Variants in HERC2 observed in about 807,000 individuals in gnomAD.
The protein encoded by HERC2 is HECT and RLD domain containing E3 ubiquitin protein ligase 2, also known as E3 ubiquitin-protein ligase HERC2.
In HERC2, 102 loss-of-function variants were observed where a neutral mutation model predicts 537.7. The observed-to-expected ratio is 0.19, with a 90% CI of 0.16 to 0.22. The LOEUF is 0.22. Among genes scored for constraint, HERC2 ranks in the 10% least tolerant of loss-of-function variants. The probability of loss-of-function intolerance (pLI) is 1.00; values close to 1 mark genes in which losing one functional copy is unlikely to be tolerated. For synonymous variants in HERC2, 2,224 were observed against 2,466.2 expected (o/e 0.90, Z 2.91); for missense variants, 4,236 against 6,198.2 (o/e 0.68, Z 10.63).
intron 69 of HERC2, among the ~76,000 whole-genome samples, chr15:28,153,772 T>C (rs1892702751): frequency 1.3e-5 from 2 of 152,258 alleles, no homozygotes; most frequent in Non-Finnish European, 1.5e-5. Context: ...CAAGACAAGA[T>C]TACTTCCTAG....
intron 30 of HERC2, among the ~76,000 whole-genome samples, chr15:28,231,059 G>A (rs546347630): frequency 6.6e-6 from 1 of 152,128 alleles, no homozygotes; most frequent in African/African-American, 2.4e-5. Context: ...CCCTGGTCCA[G>A]TTCAGTGGTT....
chr15:28,310,707 T>A (rs927857111), intron 2 of HERC2, among the ~76,000 whole-genome samples: 70 of 152,040 alleles, frequency 4.6e-4, no homozygotes, highest in Non-Finnish European at 8.1e-4. Flanking sequence ...AGACTATCTT[T>A]AGGCACTCAA....
intron 30 of HERC2, among the ~76,000 whole-genome samples, chr15:28,232,494 A>G (rs2140634159): frequency 6.6e-6 from 1 of 152,038 alleles, no homozygotes; most frequent in South Asian, 2.1e-4. Flanking sequence ...GGTTGCAGTG[A>G]GCTGAGATCG....
chr15:28,169,722 G>A, intron 65 of HERC2, 67 bp from the exon 66 acceptor site: 1 of 1,484,050 alleles, frequency 6.7e-7, no homozygotes, highest in Non-Finnish European at 9.2e-7. Flanking sequence ...TATAAAATCT[G>A]ACCTTACAGG....
chr15:28,120,555 T>C (rs1284587895), intron 86 of HERC2, among the ~76,000 whole-genome samples: 2 of 152,248 alleles, frequency 1.3e-5, no homozygotes, highest in Non-Finnish European at 2.9e-5. Flanking sequence ...TGAGTTTATA[T>C]ACACTTGAAG....
intron 8 of HERC2, 24 bp from the exon 9 acceptor site, chr15:28,272,410 C>T (rs759589022): frequency 2.2e-5 from 35 of 1,589,802 alleles, no homozygotes; most frequent in Non-Finnish European, 2.8e-5. Context: ...GATATTTATT[C>T]TAGTAAAAAC....
rs1230907329 is a variant in HERC2, at chr15:28,215,709, C to T, written c.6122G>A (p.Gly2041Asp). The T allele has an allele frequency of 1.2e-6, 2 of 1,611,932 alleles. No individual in the cohort carries two copies. Among genetic ancestry groups the T allele is most frequent in the Non-Finnish European group, 1.7e-6 (2 of 1,179,866 alleles). The change falls in exon 39 of 93, where the codon GGC becomes GAC. Residue 2041 changes from glycine to aspartate, a missense_variant. By Grantham distance (94) the Gly-to-Asp change is moderately conservative (BLOSUM62 -1). Coordinates refer to ENST00000261609, the MANE Select transcript of HERC2 (RefSeq NM_004667.6). ...RSIALTPQVC[G>D]ALSSPQWITL... Reference sequence around the variant, plus strand: ...GATCCACTGCGGGGAGCTGAGGGCGCCGCATACCTGCGGCGTGAGAGCGAT... The same window carrying T: ...GATCCACTGCGGGGAGCTGAGGGCGTCGCATACCTGCGGCGTGAGAGCGAT...
chr15:28,190,775 G>C lies in HERC2; in HGVS notation c.8649+190C>G, dbSNP rs187925017. ...AGAATGAAATTTGTTTCCTTTTCAAGCTGAACTGATAAGCAGCAAATTCAG... is the reference window on the plus strand; with the variant it reads ...AGAATGAAATTTGTTTCCTTTTCAACCTGAACTGATAAGCAGCAAATTCAG... On this transcript the variant is annotated intron_variant, in intron 55 of 92. Coordinates refer to ENST00000261609, the MANE Select transcript of HERC2 (RefSeq NM_004667.6). 46 of 589,840 alleles carry C rather than the reference G, an allele frequency of 7.8e-5. No individual in the cohort carries two copies. In the Admixed American group the frequency reaches 1.1e-3, roughly 13 times the overall value. The allele number at this position is 589,840 out of a possible 1,614,324, so 36.5% of individuals were successfully genotyped here.
At chr15:28,287,740 G>GTTTTTTTTTTTTT (rs1461307820) in intron 4 of HERC2, among the ~76,000 whole-genome samples, 8 of 141,050 alleles carry the variant, frequency 5.7e-5, no homozygotes, top group Non-Finnish European at 6.0e-5. Flanking sequence ...TTTTTTTTTG[G>GTTTTTTTTTTTTT]TTTGAGATGG....
chr15:28,124,378 G>A, intron 84 of HERC2, 144 bp from the exon 85 acceptor site: 2 of 468,674 alleles, frequency 4.3e-6, no homozygotes, highest in Non-Finnish European at 3.6e-6. Flanking sequence ...CAACCTCACT[G>A]TGCTGCTTTT....
chr15:28,265,594 CA>C lies in HERC2; in HGVS notation c.1870+23del, dbSNP rs747066371. ...CCATGCGTGTCCTCGTGGGCCTGTCCAGGGTGGCGAGAGCTCTACGTACCGT... is the reference window on the plus strand; with the variant it reads ...CCATGCGTGTCCTCGTGGGCCTGTCCGGGTGGCGAGAGCTCTACGTACCGT... On this transcript the variant is annotated intron_variant, in intron 14 of 92. Transcript: ENST00000261609. The surrounding 1 kb of genome is among the most constrained non-coding windows in gnomAD (Gnocchi z 4.0). 3.9e-5 allele frequency: 62 copies of C among 1,596,706 alleles called. No homozygotes were observed. Among genetic ancestry groups the C allele is most frequent in the Non-Finnish European group, 5.0e-5 (58 of 1,165,364 alleles).
At chr15:28,149,801 A>G (rs1892216751) in intron 70 of HERC2, among the ~76,000 whole-genome samples, 1 of 152,176 alleles carries the variant, frequency 6.6e-6, no homozygotes, top group Non-Finnish European at 1.5e-5. Flanking sequence ...AATCACCGAA[A>G]AAACACACGT....
chr15:28,280,429 ATGAGCT>A, intron 4 of HERC2, 142 bp from the exon 5 acceptor site: 1 of 660,596 alleles, frequency 1.5e-6, no homozygotes. Flanking sequence ...CTTTACACAC[ATGAGCT>A]CAGGCAACCC....
At chr15:28,156,210 T>A (rs1280605057) in intron 69 of HERC2, among the ~76,000 whole-genome samples, 1 of 152,244 alleles carries the variant, frequency 6.6e-6, no homozygotes, top group Non-Finnish European at 1.5e-5. Flanking sequence ...GCCTCCAGCT[T>A]TGTTCTTTTG....
chr15:28,261,866 A>C (rs1459614776), intron 15 of HERC2, among the ~76,000 whole-genome samples: 1 of 152,200 alleles, frequency 6.6e-6, no homozygotes, highest in African/African-American at 2.4e-5. Context: ...AGTCTCACTT[A>C]AAAGTCCCAC....
At position 28,213,919 on chromosome 15, in the gene HERC2, G is replaced by A. The variant is rs1347633657; in HGVS notation, c.6609C>T (p.Leu2203=). The A allele has an allele frequency of 4.3e-6, 7 of 1,614,004 alleles. No individual in the cohort carries two copies. Among genetic ancestry groups the A allele is most frequent in the Middle Eastern group, 1.6e-4 (1 of 6,084 alleles). ...PDSENPEVGG[L]MAVLAVIGGI... ...CTCCAATCACAGCCAGGACTGCCAT[G>A]AGGCCCCCCACTTCAGGGTTCTCGG... The change falls in exon 42 of 93, where the codon CTC becomes CTT. Residue 2203 remains leucine, a synonymous_variant. Transcript: ENST00000261609.
rs746687560 is a variant in HERC2 at position 28,272,303 on chromosome 15, C to T, written c.995G>A (p.Gly332Asp). ...CAAGGGCAAAAGTGGGGCGCTGGTG[C>T]CCTGGGCGGAACGCTCATTGTCAGT... The part of the protein sequence containing the change: ...QETDNERSAQ[G>D]TSAPLLPLLQ... The change falls in exon 9 of 93, where the codon GGC becomes GAC. Residue 332 changes from glycine (G) to aspartate (D), a missense_variant. Gly to Asp is a moderately conservative substitution (Grantham distance 94). Around this residue, in one of 27 missense-constraint regions of HERC2, gnomAD observed 491 missense variants for 559.3 expected, o/e 0.88. Transcript: ENST00000261609. The T allele has an allele frequency of 6.2e-7, 1 of 1,612,250 alleles. No individual in the cohort carries two copies. The highest frequency in any genetic ancestry group is 2.2e-5 in the East Asian group (1 of 44,838).
chr15:28,271,959 G>A (rs2075741881), intron 9 of HERC2: 2 of 510,324 alleles, frequency 3.9e-6, no homozygotes. Flanking sequence ...TATTTTCGTT[G>A]TTCTTTTCTG....
At chr15:28,290,289 G>T (rs2076277444) in intron 4 of HERC2, among the ~76,000 whole-genome samples, 1 of 152,086 alleles carries the variant, frequency 6.6e-6, no homozygotes. Context: ...GCTTTACAGA[G>T]CAGCAAAACA....
Sources: gnomAD v4.1 joint callset for allele counts (sites outside exome capture counted in the v4.1 genomes callset) on GRCh38, gnomAD v4.1.1 for gene constraint, gnomAD v4.1.1 regional missense constraint, Gnocchi (gnomAD v3.1) non-coding constraint, MANE v1.5 for transcripts, NCBI Gene and HGNC (gene_info 2026-07-23, HGNC 2026-07-21) for gene names.